The following TMCC1 variants were observed in gnomAD, a reference collection of about 807,000 sequenced individuals.
TMCC1 encodes the protein transmembrane and coiled-coil domain family 1.
TMCC1 carries 15 observed loss-of-function variants against 52.4 expected under a neutral mutation model. The ratio of observed to expected loss-of-function variants is 0.29; its 90% CI spans 0.19 to 0.44. The LOEUF (loss-of-function observed/expected upper bound fraction) is 0.44. TMCC1 is among the 20% of genes least tolerant of loss of function. The pLI is 1.00. For synonymous variants in TMCC1, 279 were observed against 301.9 expected, an observed-to-expected ratio of 0.92 and a Z score of 0.79; for missense variants, 503 against 806.0, an observed-to-expected ratio of 0.62 and a Z score of 4.55.
intron 4 of TMCC1, among the ~76,000 whole-genome samples, chr3:129,682,796 A>G (rs1033666857): frequency 2.0e-5 from 3 of 152,114 alleles, no homozygotes; most frequent in Non-Finnish European, 2.9e-5. Flanking sequence ...AATCAAGAGT[A>G]AAAGCATGTT....
intron 2 of TMCC1, among the ~76,000 whole-genome samples, chr3:129,860,593 A>C (rs2060343505): frequency 6.6e-6 from 1 of 151,906 alleles, no homozygotes; most frequent in Admixed American, 6.6e-5. Context: ...TTCTATAACA[A>C]ACACATTATT....
Position 129,659,169 on chromosome 3 carries a change from G to C in TMCC1, c.1512-4066C>G, listed in dbSNP as rs187020278. On this transcript the variant is annotated intron_variant, in intron 5 of 6. Transcript: ENST00000393238. ...GGGTGGAGTGCAGTGGTGCAATCAT[G>C]GCTCACTGCAGCCTCAAATTCCAGA... Among the ~76,000 whole-genome samples, 3 of 149,320 alleles carry C rather than the reference G, an allele frequency of 2.0e-5. No individual in the cohort carries two copies. In the Admixed American group the frequency reaches 2.0e-4, roughly 10 times the overall value.
chr3:129,812,317 A>G (rs1456874306), intron 4 of TMCC1, among the ~76,000 whole-genome samples: 1 of 138,386 alleles, frequency 7.2e-6, no homozygotes, highest in Non-Finnish European at 1.5e-5. Flanking sequence ...AGCCTAGGCA[A>G]CAGAGCAAGA....
chr3:129,808,767 A>G (rs2057616921), intron 4 of TMCC1, among the ~76,000 whole-genome samples: 1 of 151,194 alleles, frequency 6.6e-6, no homozygotes, highest in Non-Finnish European at 1.5e-5. Flanking sequence ...AGAAAGCTAC[A>G]TGATCATTTT....
At chr3:129,857,858 C>G (rs2060214265) in intron 2 of TMCC1, among the ~76,000 whole-genome samples, 1 of 152,202 alleles carries the variant, frequency 6.6e-6, no homozygotes, top group Admixed American at 6.5e-5. Context: ...CCACTGCGCC[C>G]AGCCATGTCC....
At chr3:129,814,919 T>A (rs998169324) in intron 4 of TMCC1, among the ~76,000 whole-genome samples, 2 of 152,090 alleles carry the variant, frequency 1.3e-5, no homozygotes, top group African/African-American at 4.8e-5. Context: ...CATTAGTAGA[T>A]CTAAAGGGAG....
At chr3:129,688,224 C>T (rs1264080922) in intron 4 of TMCC1, 1 of 971,786 alleles carries the variant, frequency 1.0e-6, no homozygotes, top group Non-Finnish European at 1.2e-6. Context: ...CCACAAAGCT[C>T]ATCCTTCATT....
chr3:129,828,530 CAAAAAAACAAA>C lies in TMCC1; in HGVS notation c.-130-33_-130-23del. 1 of 618,918 alleles carries C rather than the reference CAAAAAAACAAA, an allele frequency of 1.6e-6. No homozygotes were observed. The allele number at this position is 618,918 out of a possible 1,614,324, so 38.3% of individuals were successfully genotyped here. On this transcript the variant is annotated intron_variant, in intron 3 of 6. Coordinates refer to ENST00000393238, the MANE Select transcript of TMCC1 (RefSeq NM_001017395.5). The surrounding 1 kb of genome is among the most constrained non-coding windows in gnomAD (Gnocchi z 4.1). The stretch of plus-strand genomic sequence containing the variant: ...CTATCTAATGTTAAAAACAAAAAAA[CAAAAAAACAAA>C]AAAAAAACCTTATATTATAAATCCA...
At chr3:129,771,656 T>C (rs533329298) in intron 4 of TMCC1, among the ~76,000 whole-genome samples, 1 of 150,744 alleles carries the variant, frequency 6.6e-6, no homozygotes, top group Non-Finnish European at 1.5e-5. Flanking sequence ...GCATCTGTGG[T>C]CCCAGCTACT....
At chr3:129,763,560 A>G (rs1471437317) in intron 4 of TMCC1, among the ~76,000 whole-genome samples, 1 of 149,654 alleles carries the variant, frequency 6.7e-6, no homozygotes, top group Non-Finnish European at 1.5e-5. Context: ...AAAAAAAAAA[A>G]AAAAAAAGAA....
chr3:129,726,901 A>AAAAAAAAAAAAACC (rs2050150246), intron 4 of TMCC1, among the ~76,000 whole-genome samples: 1 of 144,810 alleles, frequency 6.9e-6, no homozygotes, highest in Non-Finnish European at 1.5e-5. Context: ...AAAAAAAAGA[A>AAAAAAAAAAAAACC]CCACTGTTCA....
intron 4 of TMCC1, among the ~76,000 whole-genome samples, chr3:129,792,155 C>G (rs2056510502): frequency 6.7e-6 from 1 of 149,858 alleles, no homozygotes; most frequent in Admixed American, 6.7e-5. Context: ...TCGGAAACAT[C>G]TGAAATTGCT....
intron 4 of TMCC1, among the ~76,000 whole-genome samples, chr3:129,755,137 A>C (rs1458609282): frequency 6.6e-6 from 1 of 152,176 alleles, no homozygotes; most frequent in Non-Finnish European, 1.5e-5. Context: ...CACCAAAAAC[A>C]TATGATAAAG....
rs937110161 is a variant in TMCC1 at position 129,715,665 on chromosome 3, T to G, written c.577-44401A>C. 4.1e-4 allele frequency among the ~76,000 whole-genome samples: 62 copies of G among 152,330 alleles called. 1 individual carries two copies. The highest frequency in any genetic ancestry group is 1.4e-3 in the African/African-American group (58 of 41,582). On this transcript the variant is annotated intron_variant, in intron 4 of 6. Transcript: ENST00000393238. ...TATTTTCCTGTTAAAAGTAATCTCC[T>G]TCTAGTTCTCTGTACTTCTAAACTT...
chr3:129,783,419 T>C (rs1367287190), intron 4 of TMCC1, among the ~76,000 whole-genome samples: 1 of 152,182 alleles, frequency 6.6e-6, no homozygotes, highest in East Asian at 1.9e-4. Flanking sequence ...CAATAGTCAG[T>C]ACAGCTCTAG....
intron 4 of TMCC1, among the ~76,000 whole-genome samples, chr3:129,715,711 T>C (rs1041625372): frequency 5.9e-5 from 9 of 152,210 alleles, no homozygotes; most frequent in African/African-American, 2.2e-4. Flanking sequence ...ATGGTATATA[T>C]ATATTTTTTA....
intron 4 of TMCC1, 183 bp downstream of exon 4, chr3:129,827,620 T>C: frequency 3.0e-6 from 2 of 656,718 alleles, no homozygotes; most frequent in Non-Finnish European, 5.1e-6. Flanking sequence ...AATAGGAATA[T>C]AATTCTAAGC....
At chr3:129,821,884 G>T (rs983384873) in intron 4 of TMCC1, among the ~76,000 whole-genome samples, 1 of 151,888 alleles carries the variant, frequency 6.6e-6, no homozygotes, top group South Asian at 2.1e-4. Flanking sequence ...GGGCAACACC[G>T]CAAAACTCCT....
At chr3:129,707,866 A>G (rs1445681006) in intron 4 of TMCC1, among the ~76,000 whole-genome samples, 1 of 151,668 alleles carries the variant, frequency 6.6e-6, no homozygotes, top group Non-Finnish European at 1.5e-5. Flanking sequence ...CAGGAGACGG[A>G]GGTTGCAGCG....
Sources: gnomAD v4.1 joint callset for allele counts (sites outside exome capture counted in the v4.1 genomes callset) on GRCh38, gnomAD v4.1.1 for gene constraint, Gnocchi (gnomAD v3.1) non-coding constraint, MANE v1.5 for transcripts, NCBI Gene and HGNC (gene_info 2026-07-23, HGNC 2026-07-21) for gene names.